MGAM: variants seen among roughly 807,000 people sequenced by gnomAD.
The protein encoded by MGAM is alpha-1,4-glucosidase.
MGAM carries 253 observed loss-of-function variants against 358.8 expected under a neutral mutation model. The observed-to-expected ratio is 0.71, with a 90% confidence interval of 0.64 to 0.78. The LOEUF (loss-of-function observed/expected upper bound fraction) is 0.78, where lower values mean the gene tolerates loss of function less well. Among genes scored for constraint, MGAM ranks in the 30% least tolerant of loss-of-function variants. The pLI, the probability that MGAM is intolerant of heterozygous loss-of-function variation, is 0.00. For synonymous variants in MGAM, 1,105 were observed against 1,227.1 expected, an observed-to-expected ratio of 0.90 and a Z score of 2.08; for missense variants, 3,080 against 3,432.6, an observed-to-expected ratio of 0.90 and a Z score of 2.57.
At chr7:142,043,759 TATAATATATACATTATATACACATAC>T (rs1367104653) in intron 21 of MGAM, among the ~76,000 whole-genome samples, 4 of 73,978 alleles carry the variant, frequency 5.4e-5, no homozygotes, top group Admixed American at 1.8e-4. Flanking sequence ...ACATACGACA[TATAATATATACATTATATACACATAC>T]GACATATAAT....
chr7:142,008,781 T>C (rs1805373098), intron 3 of MGAM, 76 bp downstream of exon 3: 1 of 1,493,344 alleles, frequency 6.7e-7, no homozygotes, highest in Non-Finnish European at 9.1e-7. Flanking sequence ...TGTTTTGTTT[T>C]GGTTTTCTTT....
chr7:142,035,581 CA>C (rs568027186), intron 16 of MGAM, among the ~76,000 whole-genome samples: 44 of 152,180 alleles, frequency 2.9e-4, no homozygotes, highest in South Asian at 2.1e-3. Flanking sequence ...TCTGACTAAT[CA>C]GGGGGGAAGT....
At chr7:142,029,838 G>A (rs987113880) in intron 10 of MGAM, among the ~76,000 whole-genome samples, 1 of 152,118 alleles carries the variant, frequency 6.6e-6, no homozygotes, top group African/African-American at 2.4e-5. Context: ...GACAAACCTA[G>A]GTTGTAGAGA....
At position 142,050,722 on chromosome 7, in the gene MGAM, A is replaced by G. The variant is rs766985240; in HGVS notation, c.2663A>G (p.Gln888Arg). 10 of 1,613,620 alleles carry G rather than the reference A, an allele frequency of 6.2e-6. No individual in the cohort carries two copies. Among genetic ancestry groups the G allele is most frequent in the Non-Finnish European group, 1.7e-6 (2 of 1,179,744 alleles). ...TQNRLEVNIS[Q>R]STYKDPNNLA... ...AACCGCTTGGAGGTGAATATTTCAC[A>G]ATCAACCTACAAGGACCCCAATAAT... The change falls in exon 24 of 71, where the codon CAA becomes CGA. Residue 888 changes from glutamine (Q) to arginine (R), a missense_variant. By Grantham distance (43) the Gln-to-Arg change is conservative. Around this residue, in one of 5 missense-constraint regions of MGAM, gnomAD observed 1,816 missense variants for 1,840.5 expected, o/e 0.99. Transcript: ENST00000475668.
Position 142,059,934 on chromosome 7 carries a change from T to A in MGAM, c.4027T>A (p.Tyr1343Asn). ...CGTGGAGGATGACGTCTTCATCAAATACCCAAATGATGGAGACATTGTCTG... is the reference window on the plus strand; with the variant it reads ...CGTGGAGGATGACGTCTTCATCAAAAACCCAAATGATGGAGACATTGTCTG... The part of the protein sequence containing the change: ...RGVEDDVFIK[Y>N]PNDGDIVWGK... The change falls in exon 33 of 71, where the codon TAC (tyrosine) becomes AAC (asparagine). Residue 1343 changes from tyrosine to asparagine, a missense_variant. Transcript: ENST00000475668. The A allele has an allele frequency of 6.2e-7, 1 of 1,609,480 alleles. No individual in the cohort carries two copies. The highest frequency in any genetic ancestry group is 1.1e-5 in the South Asian group (1 of 89,844).
intron 7 of MGAM, among the ~76,000 whole-genome samples, chr7:142,022,752 A>T (rs986377324): frequency 6.6e-6 from 1 of 151,884 alleles, no homozygotes; most frequent in African/African-American, 2.4e-5. Context: ...ACTCCTTCAT[A>T]TTTTCCTAAC....
At chr7:142,102,364 G>T (rs983829892) in intron 68 of MGAM, among the ~76,000 whole-genome samples, 7 of 152,202 alleles carry the variant, frequency 4.6e-5, no homozygotes, top group African/African-American at 1.4e-4. Flanking sequence ...TGTGTTATAT[G>T]AAGTGACTCT....
At chr7:142,059,683 G>T in intron 32 of MGAM, 83 bp downstream of exon 32, 1 of 1,589,196 alleles carries the variant, frequency 6.3e-7, no homozygotes, top group South Asian at 1.1e-5. Context: ...TTATTTCCAT[G>T]TTGCAAGTAG....
At chr7:142,078,603 G>A (rs1203284130) in intron 48 of MGAM, 133 bp downstream of exon 48, 9 of 1,123,274 alleles carry the variant, frequency 8.0e-6, no homozygotes, top group African/African-American at 3.0e-5. Context: ...TGATCTGGAT[G>A]TGACAAGTAG....
Position 142,052,313 on chromosome 7 carries a change from T to C in MGAM, c.2825T>C (p.Ile942Thr), listed in dbSNP as rs754826511. ...SNLKVAIITD[I>T]DLLLGEAYTV... ...CTACAGGTTGCCATTATCACAGATATTGATCTTCTCCTGGGAGAAGCATAC... is the reference window on the plus strand; with the variant it reads ...CTACAGGTTGCCATTATCACAGATACTGATCTTCTCCTGGGAGAAGCATAC... The change falls in exon 25 of 71, where the codon ATT becomes ACT. Residue 942 changes from isoleucine to threonine, a missense_variant. Ile to Thr is a moderately conservative substitution (Grantham distance 89). This residue lies in a region of MGAM where 1,816 missense variants were observed against 1,840.5 expected (regional missense o/e 0.99). Coordinates refer to ENST00000475668, the MANE Select transcript of MGAM (RefSeq NM_001365693.1). 7 of 1,606,118 alleles carry C rather than the reference T, an allele frequency of 4.4e-6. No homozygotes were observed. The highest frequency in any genetic ancestry group is 5.1e-6 in the Non-Finnish European group (6 of 1,175,752).
upstream of MGAM, among the ~76,000 whole-genome samples, chr7:141,994,821 G>A (rs1054280857): frequency 1.3e-5 from 2 of 152,174 alleles, no homozygotes; most frequent in Admixed American, 1.3e-4. Context: ...AGAAGTCCCT[G>A]CTTCCCCTTC....
chr7:141,998,345 C>T (rs527693620), intron 1 of MGAM, among the ~76,000 whole-genome samples: 6 of 152,182 alleles, frequency 3.9e-5, no homozygotes, highest in East Asian at 1.9e-4. Context: ...CCTGTCAACC[C>T]ATCATCTAGG....
intron 63 of MGAM, 97 bp from the exon 64 acceptor site, chr7:142,095,468 G>C: frequency 6.5e-7 from 1 of 1,550,210 alleles, no homozygotes; most frequent in South Asian, 1.2e-5. Flanking sequence ...TTGTTTAGCT[G>C]TGAGTGATCT....
At chr7:142,068,565 T>A in intron 42 of MGAM, 82 bp from the exon 43 acceptor site, 1 of 1,125,934 alleles carries the variant, frequency 8.9e-7, no homozygotes, top group Non-Finnish European at 1.3e-6. Flanking sequence ...ATCACAATTA[T>A]TTCACCTCTT....
upstream of MGAM, among the ~76,000 whole-genome samples, chr7:141,995,663 A>T (rs958355869): frequency 6.6e-6 from 1 of 152,084 alleles, no homozygotes; most frequent in African/African-American, 2.4e-5. Context: ...CCTGGAGGGG[A>T]TGGAGTGGGT....
chr7:142,091,913 C>G lies in MGAM; in HGVS notation c.6811C>G (p.Leu2271Val), dbSNP rs1418592743. Residue 2271 changes from leucine to valine, a missense_variant and splice_region_variant, in exon 58 of 71, where the codon CTA becomes GTA. Coordinates refer to ENST00000475668, the MANE Select transcript of MGAM (RefSeq NM_001365693.1). The stretch of plus-strand genomic sequence containing the variant: ...AAGAAATTATATTTCTTTTTTATAG[C>G]TATATCGAGCTTATGTGGCCTTCCC... The part of the protein sequence containing the change: ...GSLDWDSQVE[L>V]YRAYVAFPDF... 3 of 1,458,840 alleles carry G rather than the reference C, an allele frequency of 2.1e-6. 1 individual carries two copies. The highest frequency in any genetic ancestry group is 2.4e-5 in the East Asian group (1 of 42,438). 90.4% of individuals were successfully genotyped at this position (1,458,840 alleles called of 1,614,324 possible). A position where few individuals can be genotyped will look rare whatever the true frequency, so the allele number is the denominator to read the frequency against.
At chr7:142,048,874 A>AAT (rs945358303) in intron 22 of MGAM, among the ~76,000 whole-genome samples, 2 of 152,104 alleles carry the variant, frequency 1.3e-5, no homozygotes, top group African/African-American at 2.4e-5. Context: ...GTGAGGATTT[A>AAT]ATATATATAT....
intron 4 of MGAM, among the ~76,000 whole-genome samples, chr7:142,019,617 A>T (rs1806255702): frequency 6.6e-6 from 1 of 152,092 alleles, no homozygotes. Context: ...AAAGTGGGGG[A>T]TTTGAAATTG....
At chr7:142,056,694 T>G in intron 29 of MGAM, 136 bp from the exon 30 acceptor site, 1 of 767,226 alleles carries the variant, frequency 1.3e-6, no homozygotes, top group Non-Finnish European at 2.1e-6. Flanking sequence ...TTCAGTTCTG[T>G]GAGTATGATA....
Sources: gnomAD v4.1 joint callset for allele counts (sites outside exome capture counted in the v4.1 genomes callset) on GRCh38, gnomAD v4.1.1 for gene constraint, gnomAD v4.1.1 regional missense constraint, MANE v1.5 for transcripts, NCBI Gene and HGNC (gene_info 2026-07-23, HGNC 2026-07-21) for gene names.